CEP57: variants seen among roughly 807,000 people sequenced by gnomAD.
CEP57 encodes the protein centrosomal protein 57.
In CEP57, 40 loss-of-function variants were observed where a neutral mutation model predicts 68.0. That is an observed-to-expected ratio of 0.59 (90% CI 0.46 to 0.77). The LOEUF is 0.77. Ranked by LOEUF, CEP57 falls within the 30% of genes least tolerant of loss-of-function variation. The probability of loss-of-function intolerance (pLI) is 0.00; values close to 1 mark genes in which losing one functional copy is unlikely to be tolerated. For synonymous variants in CEP57, 219 were observed against 198.7 expected (o/e 1.10, Z -0.86); for missense variants, 606 against 580.7 (o/e 1.04, Z -0.45).
chr11:95,803,950 C>G (rs1156474449), intron 2 of CEP57, among the ~76,000 whole-genome samples: 1 of 151,900 alleles, frequency 6.6e-6, no homozygotes, highest in Non-Finnish European at 1.5e-5. Context: ...TAAGGGGAAA[C>G]TCCCAGAAAA....
intron 2 of CEP57, among the ~76,000 whole-genome samples, chr11:95,809,857 A>G (rs1351783764): frequency 6.6e-6 from 1 of 152,244 alleles, no homozygotes; most frequent in Non-Finnish European, 1.5e-5. Context: ...TTATGAAGCC[A>G]GCATCATCCT....
intron 1 of CEP57, chr11:95,794,441 C>T (rs1591042601): frequency 2.5e-6 from 1 of 401,374 alleles, no homozygotes; most frequent in African/African-American, 2.1e-5. Context: ...TATTTTATGT[C>T]CTCTTAAATG....
At chr11:95,790,886 A>G (rs1311381760) in intron 1 of CEP57, 143 bp downstream of exon 1, 12 of 980,692 alleles carry the variant, frequency 1.2e-5, no homozygotes, top group Non-Finnish European at 1.7e-5. Flanking sequence ...CGCGCTCCCC[A>G]AGCTTCCATT....
chr11:95,797,674 A>G (rs1451287721), intron 1 of CEP57, among the ~76,000 whole-genome samples: 1 of 152,210 alleles, frequency 6.6e-6, no homozygotes, highest in African/African-American at 2.4e-5. Context: ...TTTTTATTAT[A>G]CCACAGGGCA....
At chr11:95,821,357 G>T (rs1160579894) in intron 6 of CEP57, among the ~76,000 whole-genome samples, 1 of 152,114 alleles carries the variant, frequency 6.6e-6, no homozygotes, top group African/African-American at 2.4e-5. Context: ...AGAGAAAAGG[G>T]CTTGGTAACA....
intron 2 of CEP57, among the ~76,000 whole-genome samples, chr11:95,807,652 GAA>G (rs1244591582): frequency 6.6e-6 from 1 of 152,172 alleles, no homozygotes; most frequent in Non-Finnish European, 1.5e-5. Flanking sequence ...AATGAAGCGA[GAA>G]GAGAAGTTTA....
At chr11:95,808,136 G>A (rs1489984645) in intron 2 of CEP57, among the ~76,000 whole-genome samples, 1 of 152,044 alleles carries the variant, frequency 6.6e-6, no homozygotes, top group African/African-American at 2.4e-5. Context: ...AAGTGAAGGA[G>A]AAATAAAATC....
intron 2 of CEP57, among the ~76,000 whole-genome samples, chr11:95,803,556 C>T (rs1336358571): frequency 9.1e-6 from 1 of 109,786 alleles, no homozygotes; most frequent in African/African-American, 3.6e-5. Context: ...ACAGGTTTGG[C>T]CCCTGCCCCC....
chr11:95,813,675 A>G (rs1027045253), intron 4 of CEP57, 86 bp downstream of exon 4: 110 of 1,520,180 alleles, frequency 7.2e-5, no homozygotes, highest in Non-Finnish European at 9.6e-5. Context: ...TTCGGTGAGG[A>G]TTAATGGTGC....
intron 1 of CEP57, among the ~76,000 whole-genome samples, chr11:95,792,721 C>T (rs750883368): frequency 6.6e-6 from 1 of 152,102 alleles, no homozygotes; most frequent in Non-Finnish European, 1.5e-5. Context: ...GTATAACAAC[C>T]ATAACTCAAT....
intron 2 of CEP57, among the ~76,000 whole-genome samples, chr11:95,812,078 G>A (rs142016258): frequency 1.3e-3 from 203 of 152,186 alleles, no homozygotes; most frequent in African/African-American, 4.5e-3. Context: ...TACATTTACT[G>A]CAGTCAACAT....
intron 1 of CEP57, chr11:95,794,283 A>T: frequency 2.2e-6 from 1 of 455,946 alleles, no homozygotes; most frequent in Non-Finnish European, 4.4e-6. Context: ...CTGTGACTCA[A>T]CCCGTATCAT....
At chr11:95,816,915 G>A (rs1411225355) in intron 4 of CEP57, among the ~76,000 whole-genome samples, 1 of 151,838 alleles carries the variant, frequency 6.6e-6, no homozygotes, top group African/African-American at 2.4e-5. Flanking sequence ...GGAGGCTCAG[G>A]CAGGAGAATT....
chr11:95,793,535 A>G (rs1180155496), intron 1 of CEP57, among the ~76,000 whole-genome samples: 1 of 119,754 alleles, frequency 8.4e-6, no homozygotes, highest in African/African-American at 4.3e-5. Flanking sequence ...AATAAAATGA[A>G]TACCTTCATG....
chr11:95,811,913 C>G lies in CEP57; in HGVS notation c.203-1019C>G, dbSNP rs1014640431. 8.0e-5 allele frequency among the ~76,000 whole-genome samples: 12 copies of G among 150,894 alleles called. No individual in the cohort carries two copies. The South Asian group carries it at 1.3e-3, about 16-fold the overall frequency. On this transcript the variant is annotated intron_variant, in intron 2 of 10. Coordinates refer to ENST00000325542, the MANE Select transcript of CEP57 (RefSeq NM_014679.5). Reference sequence around the variant, plus strand: ...GACTGATTGCCTGAGGGAATTCTCACTATTTAATAATGCTAAAGTGAAAAA... The same window carrying G: ...GACTGATTGCCTGAGGGAATTCTCAGTATTTAATAATGCTAAAGTGAAAAA...
chr11:95,790,889 C>A, intron 1 of CEP57, 146 bp downstream of exon 1: 1 of 949,710 alleles, frequency 1.1e-6, no homozygotes, highest in Non-Finnish European at 1.6e-6. Context: ...GCTCCCCAAG[C>A]TTCCATTCAC....
At position 95,827,830 on chromosome 11, in the gene CEP57, C is replaced by A; in HGVS notation, c.930C>A (p.Val310=). The A allele has an allele frequency of 6.2e-7, 1 of 1,614,054 alleles. No individual in the cohort carries two copies. Among genetic ancestry groups the A allele is most frequent in the South Asian group, 1.1e-5 (1 of 91,080 alleles). Reference sequence around the variant, plus strand: ...CCGTGGTAGCCAATGTTCAGCTTGTCTTGCATCTAATGAAGCAACACAGTA... The same window carrying A: ...CCGTGGTAGCCAATGTTCAGCTTGTATTGCATCTAATGAAGCAACACAGTA... ...SHAVVANVQL[V]LHLMKQHSKA... is the part of the protein sequence containing the mutation. Residue 310 remains valine (V), a synonymous_variant, in exon 9 of 11, where the codon GTC becomes GTA. Transcript: ENST00000325542.
chr11:95,813,228 G>A, intron 3 of CEP57, 117 bp downstream of exon 3: 1 of 1,134,254 alleles, frequency 8.8e-7, no homozygotes, highest in Non-Finnish European at 1.3e-6. Context: ...CTACAAAACT[G>A]CATTGTATTC....
intron 2 of CEP57, among the ~76,000 whole-genome samples, chr11:95,802,016 TC>T (rs1326992694): frequency 3.3e-5 from 5 of 151,782 alleles, no homozygotes; most frequent in Admixed American, 6.6e-5. Context: ...GAAATCACTA[TC>T]CCCTTCTCAC....
Sources: gnomAD v4.1 joint callset for allele counts (sites outside exome capture counted in the v4.1 genomes callset) on GRCh38, gnomAD v4.1.1 for gene constraint, MANE v1.5 for transcripts, NCBI Gene and HGNC (gene_info 2026-07-23, HGNC 2026-07-21) for gene names.